Variants in SNX9 observed in about 807,000 individuals in gnomAD.
SNX9 encodes the protein sorting nexin 9.
In SNX9, 44 loss-of-function variants were observed where a neutral mutation model predicts 89.4. The ratio of observed to expected loss-of-function variants is 0.49; its 90% CI spans 0.39 to 0.63. The LOEUF (loss-of-function observed/expected upper bound fraction) is 0.63, where lower values mean the gene tolerates loss of function less well. Ranked by LOEUF, SNX9 falls within the 30% of genes least tolerant of loss-of-function variation. SNX9 has a pLI of 0.00. For missense variants in SNX9, 578 were observed against 736.1 expected (o/e 0.79, Z 2.49); for synonymous variants, 236 against 247.8 (o/e 0.95, Z 0.45).
Position 157,906,034 on chromosome 6 carries a change from A to G in SNX9, c.621-94A>G, listed in dbSNP as rs1583229213. The stretch of plus-strand genomic sequence containing the variant: ...AGTTCTAGTGCACCCGAAAGACAGG[A>G]CAAGGTTAAAACTGGTAAGTAAATG... On this transcript the variant is annotated intron_variant, in intron 6 of 17. Coordinates refer to ENST00000392185, the MANE Select transcript of SNX9 (RefSeq NM_016224.5). 7.9e-6 allele frequency: 8 copies of G among 1,016,068 alleles called. No individual in the cohort carries two copies. The East Asian group carries it at 2.1e-4, about 27-fold the overall frequency. 62.9% of individuals were successfully genotyped at this position (1,016,068 alleles called of 1,614,324 possible). A position where few individuals can be genotyped will look rare whatever the true frequency, so the allele number is the denominator to read the frequency against.
Position 157,823,343 on chromosome 6 carries a change from C to T in SNX9, c.-92C>T, listed in dbSNP as rs963366965. On this transcript the variant is annotated 5_prime_UTR_variant, in exon 1 of 18. Transcript: ENST00000392185. This position sits in a 1 kb window ranked among gnomAD's most constrained non-coding sequence, Gnocchi z 4.6. ...CGCCGGGGCCCAGCCGGAGCCGCCGCCCTCGCCCTTGCCTTTGCCTGCGCG... is the reference window on the plus strand; with the variant it reads ...CGCCGGGGCCCAGCCGGAGCCGCCGTCCTCGCCCTTGCCTTTGCCTGCGCG... 4 of 1,153,912 alleles carry T rather than the reference C, an allele frequency of 3.5e-6. No individual in the cohort carries two copies. Among genetic ancestry groups the T allele is most frequent in the East Asian group, 4.3e-5 (1 of 23,026 alleles). The allele number at this position is 1,153,912 out of a possible 1,614,324, so 71.5% of individuals were successfully genotyped here.
At chr6:157,887,832 G>A (rs1203839737) in intron 4 of SNX9, among the ~76,000 whole-genome samples, 2 of 152,140 alleles carry the variant, frequency 1.3e-5, no homozygotes, top group African/African-American at 4.8e-5. Context: ...GCCTGAAAAG[G>A]ATGCTGTCGT....
chr6:157,903,529 G>T (rs754670143), intron 6 of SNX9, among the ~76,000 whole-genome samples: 4 of 152,186 alleles, frequency 2.6e-5, no homozygotes, highest in Non-Finnish European at 5.9e-5. Context: ...TTCAGTCATG[G>T]TCAGTAGTGA....
intron 2 of SNX9, among the ~76,000 whole-genome samples, chr6:157,869,600 T>C (rs1220013321): frequency 2.0e-5 from 3 of 152,224 alleles, no homozygotes; most frequent in Non-Finnish European, 4.4e-5. Flanking sequence ...CGCCCTGAGC[T>C]AAGCTCTCAT....
At chr6:157,879,830 T>C (rs1307248125) in intron 4 of SNX9, among the ~76,000 whole-genome samples, 3 of 152,250 alleles carry the variant, frequency 2.0e-5, no homozygotes, top group Admixed American at 2.0e-4. Context: ...TACTGCTTCT[T>C]TAGAGTACTT....
At chr6:157,852,301 GAATT>G (rs1172717433) in intron 1 of SNX9, among the ~76,000 whole-genome samples, 1 of 152,150 alleles carries the variant, frequency 6.6e-6, no homozygotes, top group Non-Finnish European at 1.5e-5. Context: ...GTAATTATTT[GAATT>G]AATTGGAGTA....
chr6:157,898,769 T>C (rs78839977), intron 5 of SNX9, among the ~76,000 whole-genome samples: 2,008 of 152,318 alleles, frequency 0.013, 18 homozygotes, highest in Non-Finnish European at 0.017. Flanking sequence ...GGGCCAAGAA[T>C]TGAATGTCTG....
At chr6:157,920,307 A>G (rs1408596925) in intron 9 of SNX9, among the ~76,000 whole-genome samples, 1 of 152,218 alleles carries the variant, frequency 6.6e-6, no homozygotes, top group East Asian at 1.9e-4. Flanking sequence ...GCATGGTTCA[A>G]CCTTGGCTAT....
chr6:157,859,853 T>G (rs951532447), intron 1 of SNX9, among the ~76,000 whole-genome samples: 4 of 152,202 alleles, frequency 2.6e-5, no homozygotes, highest in African/African-American at 9.7e-5. Context: ...GAATTGAAAA[T>G]ACTCTTTCCT....
chr6:157,931,088 G>A (rs1020243269), intron 12 of SNX9, among the ~76,000 whole-genome samples: 5 of 152,218 alleles, frequency 3.3e-5, no homozygotes, highest in African/African-American at 1.2e-4. Flanking sequence ...CCGCTCTTTT[G>A]TGGGGTGGGG....
intron 4 of SNX9, among the ~76,000 whole-genome samples, chr6:157,883,036 T>C (rs765366271): frequency 2.9e-4 from 44 of 152,130 alleles, no homozygotes; most frequent in Non-Finnish European, 5.3e-4. Flanking sequence ...CAGACTTCAT[T>C]GTCTTGTTTT....
At chr6:157,898,941 C>G (rs1043322752) in intron 5 of SNX9, among the ~76,000 whole-genome samples, 3 of 152,138 alleles carry the variant, frequency 2.0e-5, no homozygotes, top group Admixed American at 6.5e-5. Context: ...GTCACTTGGC[C>G]CACATCCTTC....
intron 2 of SNX9, among the ~76,000 whole-genome samples, chr6:157,870,998 G>A (rs1459990534): frequency 6.6e-6 from 1 of 152,266 alleles, no homozygotes; most frequent in Non-Finnish European, 1.5e-5. Flanking sequence ...TGCCAAGATC[G>A]AGGAGGGAGA....
chr6:157,915,680 C>T (rs1421185254), intron 9 of SNX9, among the ~76,000 whole-genome samples: 2 of 141,464 alleles, frequency 1.4e-5, no homozygotes, highest in South Asian at 2.3e-4. Context: ...CAAAAATTAG[C>T]CAGGCGTGGT....
chr6:157,851,666 T>A (rs1284912462), intron 1 of SNX9, among the ~76,000 whole-genome samples: 1 of 152,220 alleles, frequency 6.6e-6, no homozygotes, highest in Non-Finnish European at 1.5e-5. Context: ...CTTGGCTCAC[T>A]GCACCCTCCA....
At chr6:157,930,527 C>G (rs761446683) in intron 12 of SNX9, among the ~76,000 whole-genome samples, 2 of 152,212 alleles carry the variant, frequency 1.3e-5, no homozygotes, top group Non-Finnish European at 2.9e-5. Context: ...AGCTTCATCT[C>G]TATCTACAGG....
chr6:157,912,031 A>G (rs920489008), intron 9 of SNX9, among the ~76,000 whole-genome samples: 1 of 152,186 alleles, frequency 6.6e-6, no homozygotes, highest in Admixed American at 6.5e-5. Context: ...GCCCAGAGGC[A>G]CTGACCGAAC....
chr6:157,836,348 T>A (rs970073521), intron 1 of SNX9, among the ~76,000 whole-genome samples: 4 of 152,212 alleles, frequency 2.6e-5, no homozygotes, highest in African/African-American at 9.6e-5. Flanking sequence ...CAAACTCCCC[T>A]CTTCTCTGAT....
chr6:157,939,895 G>A (rs558483976), intron 16 of SNX9, among the ~76,000 whole-genome samples: 3 of 152,236 alleles, frequency 2.0e-5, no homozygotes, highest in East Asian at 1.9e-4. Context: ...GGGAGAAGGC[G>A]GCATAGGAGG....
Sources: gnomAD v4.1 joint callset for allele counts (sites outside exome capture counted in the v4.1 genomes callset) on GRCh38, gnomAD v4.1.1 for gene constraint, Gnocchi (gnomAD v3.1) non-coding constraint, MANE v1.5 for transcripts, NCBI Gene and HGNC (gene_info 2026-07-23, HGNC 2026-07-21) for gene names.